Variants in CDH13 observed in about 807,000 individuals in gnomAD.
The protein encoded by CDH13 is cadherin 13.
CDH13 carries 24 observed loss-of-function variants against 63.8 expected under a neutral mutation model. The observed-to-expected ratio is 0.38, with a 90% CI of 0.27 to 0.53. The LOEUF (loss-of-function observed/expected upper bound fraction) is 0.53. Among genes scored for constraint, CDH13 ranks in the 20% least tolerant of loss-of-function variants. The pLI is 0.85. For missense variants in CDH13, 1,049 were observed against 903.1 expected (o/e 1.16, Z -2.07); for synonymous variants, 503 against 355.3 (o/e 1.42, Z -4.67).
At chr16:82,841,777 A>T (rs1370389245) in intron 1 of CDH13, among the ~76,000 whole-genome samples, 1 of 152,158 alleles carries the variant, frequency 6.6e-6, no homozygotes, top group Non-Finnish European at 1.5e-5. Context: ...ATTCAGAAAC[A>T]TTCTTAATCC....
chr16:83,204,307 G>A (rs1289673647), intron 4 of CDH13, among the ~76,000 whole-genome samples: 1 of 152,132 alleles, frequency 6.6e-6, no homozygotes, highest in Non-Finnish European at 1.5e-5. Context: ...AAGGTTTGTG[G>A]GACTCAGTTT....
intron 7 of CDH13, among the ~76,000 whole-genome samples, chr16:83,570,971 A>ATATATATAT (rs57205262): frequency 6.8e-5 from 8 of 117,246 alleles, no homozygotes; most frequent in South Asian, 5.6e-4. Context: ...ATATATATAT[A>ATATATATAT]AAAACCTTCT....
chr16:83,215,760 C>T (rs1039112046), intron 4 of CDH13, among the ~76,000 whole-genome samples: 3 of 152,086 alleles, frequency 2.0e-5, no homozygotes, highest in African/African-American at 7.2e-5. Flanking sequence ...GGTGCCTGTT[C>T]GTTTGTAATT....
intron 1 of CDH13, among the ~76,000 whole-genome samples, chr16:82,846,332 C>A (rs2039254201): frequency 6.6e-6 from 1 of 151,736 alleles, no homozygotes; most frequent in South Asian, 2.1e-4. Context: ...ATTAATATAA[C>A]TATAATATTA....
chr16:82,688,908 G>C (rs1915353287), intron 1 of CDH13: 3 of 152,318 alleles, frequency 2.0e-5, no homozygotes, highest in South Asian at 4.1e-4. Context: ...ATAGGACCCA[G>C]AGAGGGGCTT....
At chr16:83,152,715 T>C (rs913487041) in intron 4 of CDH13, among the ~76,000 whole-genome samples, 1 of 152,160 alleles carries the variant, frequency 6.6e-6, no homozygotes, top group Non-Finnish European at 1.5e-5. Context: ...ACGGGCTGAA[T>C]TGCATCCCCC....
intron 4 of CDH13, among the ~76,000 whole-genome samples, chr16:83,130,250 C>G (rs902719466): frequency 2.6e-5 from 4 of 152,140 alleles, no homozygotes; most frequent in African/African-American, 9.7e-5. Context: ...GATCATTTTC[C>G]AGCATGCCAA....
chr16:83,187,132 A>T (rs1473353396), intron 4 of CDH13, among the ~76,000 whole-genome samples: 1 of 151,946 alleles, frequency 6.6e-6, no homozygotes, highest in African/African-American at 2.4e-5. Context: ...CACCACACAC[A>T]ACTAATTTTT....
At chr16:83,720,046 C>T (rs1255324614) in intron 10 of CDH13, among the ~76,000 whole-genome samples, 4 of 152,106 alleles carry the variant, frequency 2.6e-5, no homozygotes, top group East Asian at 3.9e-4. Flanking sequence ...GTCTTCCTGG[C>T]GGGTTGGTGA....
intron 4 of CDH13, among the ~76,000 whole-genome samples, chr16:83,152,559 A>T (rs2037030288): frequency 6.6e-6 from 1 of 152,064 alleles, no homozygotes; most frequent in Admixed American, 6.6e-5. Flanking sequence ...ACTTCTTCAT[A>T]ATGGCCATGT....
chr16:82,638,705 C>G (rs1335701636), intron 1 of CDH13, among the ~76,000 whole-genome samples: 1 of 150,922 alleles, frequency 6.6e-6, no homozygotes, highest in Non-Finnish European at 1.5e-5. Context: ...TAGTAGGTCC[C>G]CCAAGATTGT....
intron 1 of CDH13, among the ~76,000 whole-genome samples, chr16:82,692,405 C>T (rs12925373): frequency 0.28 from 42,606 of 151,998 alleles, 6,058 homozygotes; most frequent in Middle Eastern, 0.38. Flanking sequence ...TGGTGGAAGG[C>T]GAAAGAGGAG....
chr16:82,988,497 C>T (rs150704155), intron 2 of CDH13, among the ~76,000 whole-genome samples: 78 of 152,188 alleles, frequency 5.1e-4, no homozygotes, highest in African/African-American at 1.8e-3. Context: ...CACAGTGGCT[C>T]ACACATGTAA....
intron 1 of CDH13, among the ~76,000 whole-genome samples, chr16:82,680,334 C>A (rs1259029240): frequency 6.6e-6 from 1 of 152,332 alleles, no homozygotes; most frequent in South Asian, 2.1e-4. Flanking sequence ...GAGGCACCCT[C>A]ATTCACATTC....
At chr16:82,897,223 A>G (rs2041301246) in intron 2 of CDH13, among the ~76,000 whole-genome samples, 2 of 152,198 alleles carry the variant, frequency 1.3e-5, no homozygotes, top group Non-Finnish European at 1.5e-5. Context: ...CAGCAGCAGC[A>G]TGTGGAAGCA....
chr16:83,311,999 G>A (rs369169949), intron 5 of CDH13, among the ~76,000 whole-genome samples: 1 of 151,322 alleles, frequency 6.6e-6, no homozygotes, highest in South Asian at 2.1e-4. Flanking sequence ...CTTGAACCCG[G>A]GAGGCGGAAG....
rs150435526 is a variant in CDH13, at chr16:83,239,841, G to A, written c.636+22344G>A. 3.7e-4 allele frequency among the ~76,000 whole-genome samples: 56 copies of A among 152,324 alleles called. No homozygotes were observed. The East Asian group carries it at 0.011, about 29-fold the overall frequency. ...AAATGCCCCTGAGTAAAGTTAAACAGGACCAGGAGGATGGGGAATTTGTGG... is the reference window on the plus strand; with the variant it reads ...AAATGCCCCTGAGTAAAGTTAAACAAGACCAGGAGGATGGGGAATTTGTGG... On this transcript the variant is annotated intron_variant, in intron 5 of 13. Transcript: ENST00000567109.
intron 5 of CDH13, among the ~76,000 whole-genome samples, chr16:83,305,749 T>A (rs2089859515): frequency 6.6e-6 from 1 of 152,144 alleles, no homozygotes; most frequent in African/African-American, 2.4e-5. Flanking sequence ...TACAATGGGA[T>A]TAATACTACT....
chr16:82,901,241 C>A (rs1377493628), intron 2 of CDH13, among the ~76,000 whole-genome samples: 3 of 151,858 alleles, frequency 2.0e-5, no homozygotes, highest in African/African-American at 7.3e-5. Context: ...CAATATGAGG[C>A]CCACAAATTA....
Sources: gnomAD v4.1 joint callset for allele counts (sites outside exome capture counted in the v4.1 genomes callset) on GRCh38, gnomAD v4.1.1 for gene constraint, MANE v1.5 for transcripts, NCBI Gene and HGNC (gene_info 2026-07-23, HGNC 2026-07-21) for gene names.